The following CERT1 variants were observed in gnomAD, a reference collection of about 807,000 sequenced individuals.
CERT1 encodes the protein ceramide transfer protein.
In CERT1, 31 loss-of-function variants were observed where a neutral mutation model predicts 87.9. The ratio of observed to expected loss-of-function variants is 0.35; its 90% CI spans 0.27 to 0.48. The LOEUF (loss-of-function observed/expected upper bound fraction) is 0.48, where lower values mean the gene tolerates loss of function less well. Among genes scored for constraint, CERT1 ranks in the 20% least tolerant of loss-of-function variants. The pLI, the probability that CERT1 is intolerant of heterozygous loss-of-function variation, is 0.99. For missense variants in CERT1, 487 were observed against 758.0 expected (o/e 0.64, Z 4.20); for synonymous variants, 289 against 250.9 (o/e 1.15, Z -1.44).
At chr5:75,448,617 A>G (rs963331830) in intron 3 of CERT1, among the ~76,000 whole-genome samples, 4 of 152,208 alleles carry the variant, frequency 2.6e-5, no homozygotes, top group African/African-American at 9.6e-5. Flanking sequence ...GCAAAATTGG[A>G]AAACAGTTTA....
chr5:75,376,788 G>A (rs1761333253), downstream of CERT1: 2 of 152,122 alleles, frequency 1.3e-5, no homozygotes, highest in Non-Finnish European at 2.9e-5. Flanking sequence ...AAACAACTGA[G>A]ACATCAATGC....
intron 5 of CERT1, among the ~76,000 whole-genome samples, chr5:75,422,519 A>G (rs577897314): frequency 6.6e-6 from 1 of 152,244 alleles, no homozygotes; most frequent in East Asian, 1.9e-4. Context: ...GGGAAGGCTG[A>G]GGTGGGAGGA....
chr5:75,431,506 AG>A (rs1763865618), intron 3 of CERT1, among the ~76,000 whole-genome samples: 1 of 152,216 alleles, frequency 6.6e-6, no homozygotes, highest in African/African-American at 2.4e-5. Flanking sequence ...CTGTCATGGC[AG>A]GAACTGTTGG....
At chr5:75,397,621 T>A (rs1342902744) in intron 11 of CERT1, among the ~76,000 whole-genome samples, 1 of 152,244 alleles carries the variant, frequency 6.6e-6, no homozygotes, top group Admixed American at 6.5e-5. Context: ...TTGATTAGTC[T>A]GTGATATGAT....
At chr5:75,444,746 C>A (rs895226946) in intron 3 of CERT1, among the ~76,000 whole-genome samples, 24 of 151,966 alleles carry the variant, frequency 1.6e-4, no homozygotes, top group African/African-American at 5.8e-4. Flanking sequence ...TGGGTTTCAC[C>A]ATGTTGGCCA....
chr5:75,442,909 C>A (rs906558045), intron 3 of CERT1, among the ~76,000 whole-genome samples: 3 of 151,882 alleles, frequency 2.0e-5, no homozygotes, highest in African/African-American at 7.3e-5. Flanking sequence ...TCTTACTGTG[C>A]CAAATTTCTA....
At chr5:75,483,454 A>G (rs982717146) in intron 2 of CERT1, among the ~76,000 whole-genome samples, 4 of 152,200 alleles carry the variant, frequency 2.6e-5, no homozygotes, top group African/African-American at 9.6e-5. Context: ...AGGTGAAGGT[A>G]GAAAGTTTGA....
intron 2 of CERT1, among the ~76,000 whole-genome samples, chr5:75,492,619 C>A (rs975284179): frequency 6.6e-6 from 1 of 152,306 alleles, no homozygotes; most frequent in African/African-American, 2.4e-5. Flanking sequence ...ATACCTCTTC[C>A]CATTTCTGAT....
downstream of CERT1, chr5:75,377,576 A>T (rs2111973460): frequency 6.6e-6 from 1 of 152,364 alleles, no homozygotes; most frequent in Middle Eastern, 3.4e-3. Flanking sequence ...GAGACCTTCA[A>T]GATAAAATAA....
At position 75,385,804 on chromosome 5, in the gene CERT1, T is replaced by C. The variant is rs149575199; in HGVS notation, c.1417+98A>G. 2.3e-4 allele frequency: 216 copies of C among 944,212 alleles called. No individual in the cohort carries two copies. Among genetic ancestry groups the C allele is most frequent in the Non-Finnish European group, 3.0e-4 (211 of 707,918 alleles). 58.5% of individuals were successfully genotyped at this position (944,212 alleles called of 1,614,324 possible). A position where few individuals can be genotyped will look rare whatever the true frequency, so the allele number is the denominator to read the frequency against. ...TATGATTTTCCAAATACTTTCTACGTTGACTTTGTAAACTATGTAGGAGAT... is the reference window on the plus strand; with the variant it reads ...TATGATTTTCCAAATACTTTCTACGCTGACTTTGTAAACTATGTAGGAGAT... On this transcript the variant is annotated intron_variant, in intron 13 of 16. Coordinates refer to ENST00000643780, the MANE Select transcript of CERT1 (RefSeq NM_001379029.1).
At chr5:75,382,293 T>C (rs766978956) in intron 14 of CERT1, among the ~76,000 whole-genome samples, 27 of 152,218 alleles carry the variant, frequency 1.8e-4, no homozygotes, top group Non-Finnish European at 1.5e-5. Context: ...TTAATTGCAG[T>C]AAAATATATA....
intron 11 of CERT1, among the ~76,000 whole-genome samples, chr5:75,397,706 T>A (rs948989906): frequency 6.6e-6 from 1 of 152,208 alleles, no homozygotes; most frequent in East Asian, 1.9e-4. Flanking sequence ...AGATTCATTA[T>A]GAATATGAGT....
At chr5:75,472,098 G>T (rs1454494649) in intron 2 of CERT1, among the ~76,000 whole-genome samples, 1 of 152,118 alleles carries the variant, frequency 6.6e-6, no homozygotes, top group African/African-American at 2.4e-5. Flanking sequence ...CATTGTAATA[G>T]AATAGAGTCC....
chr5:75,485,612 T>C (rs1441163311), intron 2 of CERT1, among the ~76,000 whole-genome samples: 5 of 151,980 alleles, frequency 3.3e-5, no homozygotes, highest in South Asian at 2.1e-4. Context: ...TGACAAACCT[T>C]TGATCAACAA....
chr5:75,400,965 CAT>C (rs982788480), intron 9 of CERT1: 37 of 152,278 alleles, frequency 2.4e-4, no homozygotes, highest in African/African-American at 8.2e-4. Context: ...TAAACTCAAA[CAT>C]GTGTGATGTA....
At chr5:75,427,047 C>T (rs1763646936) in intron 3 of CERT1, among the ~76,000 whole-genome samples, 1 of 152,108 alleles carries the variant, frequency 6.6e-6, no homozygotes, top group African/African-American at 2.4e-5. Context: ...CAGCTTGTAT[C>T]TTTTAAATTT....
intron 2 of CERT1, among the ~76,000 whole-genome samples, chr5:75,491,997 T>C (rs1389654494): frequency 6.6e-6 from 1 of 152,132 alleles, no homozygotes; most frequent in East Asian, 1.9e-4. Context: ...ATACATAAAA[T>C]AGCCAGCACA....
chr5:75,430,330 C>T (rs1763814271), intron 3 of CERT1, among the ~76,000 whole-genome samples: 1 of 152,034 alleles, frequency 6.6e-6, no homozygotes, highest in African/African-American at 2.4e-5. Context: ...AGCTCTTCTC[C>T]GAGACTTACA....
intron 3 of CERT1, among the ~76,000 whole-genome samples, chr5:75,451,848 A>G (rs1764780942): frequency 6.6e-6 from 1 of 152,200 alleles, no homozygotes; most frequent in African/African-American, 2.4e-5. Flanking sequence ...AAAACACAGC[A>G]AATCAAACTG....
Sources: gnomAD v4.1 joint callset for allele counts (sites outside exome capture counted in the v4.1 genomes callset) on GRCh38, gnomAD v4.1.1 for gene constraint, MANE v1.5 for transcripts, NCBI Gene and HGNC (gene_info 2026-07-23, HGNC 2026-07-21) for gene names.